The following TLE1 variants were observed in gnomAD, a reference collection of about 807,000 sequenced individuals.
TLE1 encodes the protein TLE family member 1, transcriptional corepressor, also known as transducin-like enhancer protein 1.
Under a neutral mutation model 89.8 loss-of-function variants are expected in TLE1, and 21 were observed. That is an observed-to-expected ratio of 0.23 (90% CI 0.17 to 0.34). TLE1 has a LOEUF of 0.34. Among genes scored for constraint, TLE1 ranks in the 10% least tolerant of loss-of-function variants. The pLI is 1.00. For missense variants in TLE1, 795 were observed against 1,031.2 expected (o/e 0.77, Z 3.14); for synonymous variants, 447 against 407.6 (o/e 1.10, Z -1.16).
intron 1 of TLE1, among the ~76,000 whole-genome samples, chr9:81,687,759 C>T (rs1032410834): frequency 6.6e-6 from 1 of 152,102 alleles, no homozygotes; most frequent in East Asian, 2.0e-4. Context: ...GCCGCCCCTT[C>T]CCCCACGGCG....
intron 6 of TLE1, among the ~76,000 whole-genome samples, chr9:81,638,438 G>A (rs562389754): frequency 1.3e-5 from 2 of 152,078 alleles, no homozygotes; most frequent in South Asian, 2.1e-4. Context: ...AAAGGACAGC[G>A]CTCCTCTGTC....
At chr9:81,651,150 G>A (rs1031752917) in intron 6 of TLE1, among the ~76,000 whole-genome samples, 1 of 152,186 alleles carries the variant, frequency 6.6e-6, no homozygotes, top group Non-Finnish European at 1.5e-5. Flanking sequence ...CAAAGTGTCT[G>A]AGGGAACTAT....
Position 81,688,632 on chromosome 9 carries a change from A to T in TLE1, c.-392T>A. The T allele has an allele frequency of 4.7e-6, 1 of 214,624 alleles. No individual in the cohort carries two copies. 13.3% of individuals were successfully genotyped at this position (214,624 alleles called of 1,614,324 possible). On this transcript the variant is annotated 5_prime_UTR_variant, in exon 1 of 20. Transcript: ENST00000376499. ...CTCGGCGATCCGCGTGCGCGGCGCC[A>T]GTCCTGGGCAAACAAATCCAGACGG...
intron 4 of TLE1, among the ~76,000 whole-genome samples, chr9:81,667,494 A>G (rs913404613): frequency 6.6e-6 from 1 of 152,150 alleles, no homozygotes; most frequent in Non-Finnish European, 1.5e-5. Context: ...CTTTCTGCAC[A>G]TGGGCCATGC....
At chr9:81,659,423 T>A (rs1004326176) in intron 4 of TLE1, among the ~76,000 whole-genome samples, 5 of 152,182 alleles carry the variant, frequency 3.3e-5, no homozygotes, top group African/African-American at 9.7e-5. Context: ...TTATAAACTT[T>A]CCCTGTGCCT....
At chr9:81,655,222 G>C (rs1279509487) in intron 4 of TLE1, among the ~76,000 whole-genome samples, 2 of 152,064 alleles carry the variant, frequency 1.3e-5, no homozygotes, top group Non-Finnish European at 2.9e-5. Flanking sequence ...AAATTAGCCG[G>C]GCGTGATGGT....
At chr9:81,667,274 G>A (rs1831589948) in intron 4 of TLE1, among the ~76,000 whole-genome samples, 1 of 150,812 alleles carries the variant, frequency 6.6e-6, no homozygotes. Flanking sequence ...GTGCACACCT[G>A]TAATCCAGCT....
intron 8 of TLE1, among the ~76,000 whole-genome samples, chr9:81,629,350 T>C (rs1826290300): frequency 6.6e-6 from 1 of 152,190 alleles, no homozygotes; most frequent in African/African-American, 2.4e-5. Context: ...TGAATGCTAC[T>C]AAGAAATAAT....
chr9:81,668,624 T>G (rs986003015), intron 4 of TLE1, among the ~76,000 whole-genome samples: 2 of 152,012 alleles, frequency 1.3e-5, no homozygotes, highest in African/African-American at 4.8e-5. Flanking sequence ...ACTTTCAGGA[T>G]GGGAAAAAAA....
chr9:81,664,489 T>C (rs1248762592), intron 4 of TLE1, among the ~76,000 whole-genome samples: 1 of 152,186 alleles, frequency 6.6e-6, no homozygotes, highest in Non-Finnish European at 1.5e-5. Context: ...TTAAATCTAA[T>C]GTGTCTGAGT....
intron 4 of TLE1, among the ~76,000 whole-genome samples, chr9:81,670,336 T>C (rs551620695): frequency 6.6e-6 from 1 of 152,208 alleles, no homozygotes; most frequent in South Asian, 2.1e-4. Context: ...CCCTTCCCTT[T>C]TTTTTTTGAG....
chr9:81,663,757 G>C (rs990742621), intron 4 of TLE1, among the ~76,000 whole-genome samples: 2 of 151,636 alleles, frequency 1.3e-5, no homozygotes, highest in African/African-American at 4.8e-5. Context: ...CTCCCGAGTA[G>C]CTGGGACTAC....
intron 11 of TLE1, among the ~76,000 whole-genome samples, chr9:81,613,806 T>C (rs1250060812): frequency 2.0e-5 from 3 of 152,134 alleles, no homozygotes; most frequent in African/African-American, 7.2e-5. Context: ...GGACTTTGGG[T>C]CTACGCCAAG....
At position 81,675,705 on chromosome 9, in the gene TLE1, TTTG is replaced by T. The variant is rs1435928440; in HGVS notation, c.234+9968_234+9970del. Among the ~76,000 whole-genome samples, 27 of 141,458 alleles carry T rather than the reference TTTG, an allele frequency of 1.9e-4. 2 individuals are homozygous for T. Among genetic ancestry groups the T allele is most frequent in the African/African-American group, 3.4e-4 (12 of 35,098 alleles). 92.8% of individuals were successfully genotyped at this position (141,458 alleles called of 152,430 possible). A position where few individuals can be genotyped will look rare whatever the true frequency, so the allele number is the denominator to read the frequency against. On this transcript the variant is annotated intron_variant, in intron 4 of 19. Transcript: ENST00000376499. ...GCATAAGGACTCACACTAGTTTTTT[TTTG>T]TTTTTTTTTTTGAGACGGAGTCTCG...
chr9:81,587,907 C>T (rs927848527), intron 16 of TLE1, 79 bp from the exon 17 acceptor site: 10 of 752,274 alleles, frequency 1.3e-5, no homozygotes, highest in Middle Eastern at 6.2e-4. Context: ...AGTTTTGGAC[C>T]GTGTGTGTGT....
chr9:81,587,908 G>GTGTGTGTGTGTGTGTGTGTCATCCCGCC (rs1554716599), intron 16 of TLE1, 80 bp from the exon 17 acceptor site: 37,507 of 581,502 alleles, frequency 0.065, 4,230 homozygotes, highest in African/African-American at 0.15. Flanking sequence ...GTTTTGGACC[G>GTGTGTGTGTGTGTGTGTGTCATCCCGCC]TGTGTGTGTG....
At chr9:81,686,314 A>G (rs1384571957) in intron 2 of TLE1, among the ~76,000 whole-genome samples, 2 of 152,164 alleles carry the variant, frequency 1.3e-5, no homozygotes, top group Non-Finnish European at 2.9e-5. Context: ...TGAAAATCCT[A>G]TCTGTTAAGT....
At chr9:81,657,807 A>C in intron 4 of TLE1, among the ~76,000 whole-genome samples, 1 of 152,242 alleles carries the variant, frequency 6.6e-6, no homozygotes, top group Non-Finnish European at 1.5e-5. Context: ...AGATTACTTA[A>C]AATACCTAAT....
intron 11 of TLE1, among the ~76,000 whole-genome samples, chr9:81,614,903 G>A (rs1021391361): frequency 5.3e-5 from 8 of 151,094 alleles, no homozygotes; most frequent in Admixed American, 2.0e-4. Context: ...TAAGAATCTC[G>A]GAAGTTTGAG....
Sources: gnomAD v4.1 joint callset for allele counts (sites outside exome capture counted in the v4.1 genomes callset) on GRCh38, gnomAD v4.1.1 for gene constraint, MANE v1.5 for transcripts, NCBI Gene and HGNC (gene_info 2026-07-23, HGNC 2026-07-21) for gene names.